Variants in CNTN5 observed in about 807,000 individuals in gnomAD.
CNTN5 encodes the protein contactin 5, also known as contactin-5.
In CNTN5, 77 loss-of-function variants were observed where a neutral mutation model predicts 129.1. That is an observed-to-expected ratio of 0.60 (90% confidence interval 0.50 to 0.72). The LOEUF is 0.72. Ranked by LOEUF, CNTN5 falls within the 30% of genes least tolerant of loss-of-function variation. CNTN5 has a pLI of 0.00. For synonymous variants in CNTN5, 509 were observed against 465.6 expected (o/e 1.09, Z -1.20); for missense variants, 1,478 against 1,328.8 (o/e 1.11, Z -1.75).
rs139472238 is a variant in CNTN5 at position 99,272,002 on chromosome 11, A to T, written c.-209-53344A>T. On this transcript the variant is annotated intron_variant, in intron 1 of 24. Coordinates refer to ENST00000524871, the MANE Select transcript of CNTN5 (RefSeq NM_014361.4). ...CTCCACTGGTAGGTGTTATATTTTA[A>T]AACTATCACAAAATGTATTACTATC... Among the ~76,000 whole-genome samples the T allele has an allele frequency of 3.2e-3, 491 of 152,072 alleles. 1 individual carries two copies. Among genetic ancestry groups the T allele is most frequent in the African/African-American group, 0.011 (471 of 41,542 alleles).
Position 99,467,525 on chromosome 11 carries a change from C to A in CNTN5, c.-70-88620C>A, listed in dbSNP as rs186922457. On this transcript the variant is annotated intron_variant, in intron 2 of 24. Coordinates refer to ENST00000524871, the MANE Select transcript of CNTN5 (RefSeq NM_014361.4). ...ATCCTTGTATAAATCGTCTTCTCAT[C>A]TGCTCGGTTAACTCATCCTTCAATT... Among the ~76,000 whole-genome samples the A allele has an allele frequency of 3.9e-5, 6 of 152,244 alleles. No individual in the cohort carries two copies. The East Asian group carries it at 1.2e-3, about 29-fold the overall frequency.
At chr11:99,372,951 A>G (rs1468998585) in intron 2 of CNTN5, among the ~76,000 whole-genome samples, 8 of 152,208 alleles carry the variant, frequency 5.3e-5, no homozygotes, top group Admixed American at 3.3e-4. Flanking sequence ...GCTCACGCCT[A>G]TAATCCCAGC....
chr11:99,166,174 C>T (rs547016380), intron 1 of CNTN5, among the ~76,000 whole-genome samples: 9 of 152,084 alleles, frequency 5.9e-5, no homozygotes, highest in South Asian at 2.1e-4. Flanking sequence ...GAGGCCAAAG[C>T]GGGTGGATCA....
At chr11:99,167,340 A>G (rs1015346492) in intron 1 of CNTN5, among the ~76,000 whole-genome samples, 1 of 152,148 alleles carries the variant, frequency 6.6e-6, no homozygotes, top group Non-Finnish European at 1.5e-5. Context: ...TATGTAAATT[A>G]TATAGTTAAA....
intron 2 of CNTN5, among the ~76,000 whole-genome samples, chr11:99,378,391 A>G (rs1940318647): frequency 6.6e-6 from 1 of 152,140 alleles, no homozygotes; most frequent in African/African-American, 2.4e-5. Flanking sequence ...ATAACTGTCA[A>G]ACTCTGCATT....
chr11:100,112,056 G>A (rs1945674157), intron 13 of CNTN5, among the ~76,000 whole-genome samples: 1 of 152,102 alleles, frequency 6.6e-6, no homozygotes, highest in African/African-American at 2.4e-5. Context: ...GCACATGGAG[G>A]GATTACACCT....
At chr11:99,201,351 T>TTTCCTTCCTTCCTTCCTTCCTTCC (rs71046674) in intron 1 of CNTN5, among the ~76,000 whole-genome samples, 3,098 of 88,158 alleles carry the variant, frequency 0.035, 124 homozygotes, top group Non-Finnish European at 0.041. Context: ...CTTCCTTTCC[T>TTTCCTTCCTTCCTTCCTTCCTTCC]TTCCTTCCTT....
chr11:99,942,573 T>A (rs538036299), intron 7 of CNTN5, among the ~76,000 whole-genome samples: 1 of 152,176 alleles, frequency 6.6e-6, no homozygotes, highest in Admixed American at 6.6e-5. Context: ...GCAGGTTTGT[T>A]ACATAGGTAA....
At chr11:99,914,571 T>C (rs1949740571) in intron 6 of CNTN5, among the ~76,000 whole-genome samples, 1 of 152,136 alleles carries the variant, frequency 6.6e-6, no homozygotes, top group Non-Finnish European at 1.5e-5. Context: ...TGATTTTTAC[T>C]GCTACTGAAG....
intron 3 of CNTN5, among the ~76,000 whole-genome samples, chr11:99,761,709 A>G (rs1230823626): frequency 1.3e-5 from 2 of 151,150 alleles, no homozygotes; most frequent in Non-Finnish European, 2.9e-5. Context: ...ATTGTGAATA[A>G]TGCCGCAATA....
At chr11:99,971,652 C>T (rs376701646) in intron 8 of CNTN5, among the ~76,000 whole-genome samples, 32 of 151,964 alleles carry the variant, frequency 2.1e-4, no homozygotes, top group African/African-American at 7.0e-4. Flanking sequence ...ACATAGCTTC[C>T]CGTATCTAAG....
chr11:99,837,004 A>G (rs1198857429), intron 4 of CNTN5, among the ~76,000 whole-genome samples: 1 of 152,060 alleles, frequency 6.6e-6, no homozygotes, highest in South Asian at 2.1e-4. Context: ...GTTTTGGTGG[A>G]TTTTGGCTGG....
intron 13 of CNTN5, among the ~76,000 whole-genome samples, chr11:100,136,686 A>G (rs1409096606): frequency 6.6e-6 from 1 of 152,008 alleles, no homozygotes; most frequent in East Asian, 1.9e-4. Context: ...TAAAAGGATC[A>G]TCATTTGCTT....
At chr11:99,460,919 A>C (rs1253264621) in intron 2 of CNTN5, among the ~76,000 whole-genome samples, 1 of 152,082 alleles carries the variant, frequency 6.6e-6, no homozygotes, top group East Asian at 1.9e-4. Context: ...TGCCCATATG[A>C]AGATTTGTTG....
intron 4 of CNTN5, among the ~76,000 whole-genome samples, chr11:99,832,751 TA>T (rs1485655210): frequency 7.9e-5 from 12 of 152,276 alleles, no homozygotes; most frequent in African/African-American, 2.4e-4. Flanking sequence ...ACATAAAGTA[TA>T]CTAATGATCA....
At chr11:100,265,334 C>T (rs1316254837) in intron 17 of CNTN5, among the ~76,000 whole-genome samples, 1 of 152,032 alleles carries the variant, frequency 6.6e-6, no homozygotes, top group African/African-American at 2.4e-5. Context: ...AGGAGCTGTC[C>T]ACAAGGTTTG....
intron 21 of CNTN5, chr11:100,337,364 C>T (rs796337286): frequency 5.7e-5 from 47 of 818,466 alleles, no homozygotes; most frequent in African/African-American, 1.3e-4. Context: ...GATCACAAAG[C>T]GAACAGCCAG....
intron 4 of CNTN5, among the ~76,000 whole-genome samples, chr11:99,824,118 A>AT (rs1946881859): frequency 6.6e-6 from 1 of 151,866 alleles, no homozygotes; most frequent in South Asian, 2.1e-4. Context: ...TGTCAAATGG[A>AT]TTTTTTCATG....
intron 1 of CNTN5, among the ~76,000 whole-genome samples, chr11:99,129,169 A>G (rs546555838): frequency 1.3e-5 from 2 of 152,312 alleles, no homozygotes; most frequent in South Asian, 4.1e-4. Flanking sequence ...CTAAAGGATT[A>G]TGTTCTAACC....
Sources: gnomAD v4.1 joint callset for allele counts (sites outside exome capture counted in the v4.1 genomes callset) on GRCh38, gnomAD v4.1.1 for gene constraint, MANE v1.5 for transcripts, NCBI Gene and HGNC (gene_info 2026-07-23, HGNC 2026-07-21) for gene names.